FILIP1L: variants seen among roughly 807,000 people sequenced by gnomAD.
FILIP1L encodes the protein filamin A-interacting protein 1-like.
Under a neutral mutation model 96.6 loss-of-function variants are expected in FILIP1L, and 55 were observed. The observed-to-expected ratio is 0.57, with a 90% CI of 0.46 to 0.71. FILIP1L has a LOEUF of 0.71. Among genes scored for constraint, FILIP1L ranks in the 30% least tolerant of loss-of-function variants. The pLI is 0.00. For missense variants in FILIP1L, 1,304 were observed against 1,321.2 expected (o/e 0.99, Z 0.20); for synonymous variants, 467 against 473.9 (o/e 0.99, Z 0.19).
At chr3:100,100,496 T>A (rs1349708303) in intron 1 of FILIP1L, among the ~76,000 whole-genome samples, 1 of 152,148 alleles carries the variant, frequency 6.6e-6, no homozygotes, top group Non-Finnish European at 1.5e-5. Flanking sequence ...CAAGTCCACA[T>A]TTGAATCATT....
chr3:99,991,836 A>ATG (rs112596171), intron 1 of FILIP1L, among the ~76,000 whole-genome samples: 114,593 of 143,356 alleles, frequency 0.8, 46,089 homozygotes, highest in East Asian at 0.94. Context: ...ATATATATAT[A>ATG]TGTGTGTGTG....
intron 4 of FILIP1L, among the ~76,000 whole-genome samples, chr3:99,880,273 G>T (rs1048453726): frequency 6.6e-6 from 1 of 151,984 alleles, no homozygotes; most frequent in Non-Finnish European, 1.5e-5. Flanking sequence ...CACCTGTCTG[G>T]CTCTGTACAT....
chr3:99,964,151 T>C (rs1463324043), intron 1 of FILIP1L, among the ~76,000 whole-genome samples: 1 of 151,980 alleles, frequency 6.6e-6, no homozygotes, highest in Non-Finnish European at 1.5e-5. Flanking sequence ...CAGTAGGAAG[T>C]ACATTGAGTT....
chr3:99,901,895 TAG>T (rs1706450051), intron 4 of FILIP1L, among the ~76,000 whole-genome samples: 1 of 152,110 alleles, frequency 6.6e-6, no homozygotes, highest in South Asian at 2.1e-4. Flanking sequence ...TTGTCCCTAG[TAG>T]AGCTCAGCAT....
chr3:100,008,241 T>C (rs1710043381), intron 1 of FILIP1L, among the ~76,000 whole-genome samples: 1 of 152,136 alleles, frequency 6.6e-6, no homozygotes, highest in Non-Finnish European at 1.5e-5. Flanking sequence ...AGGTAACTAC[T>C]CCACCCCTGC....
At chr3:99,868,387 C>G (rs1193356650) in intron 4 of FILIP1L, among the ~76,000 whole-genome samples, 1 of 152,164 alleles carries the variant, frequency 6.6e-6, no homozygotes, top group Admixed American at 6.5e-5. Flanking sequence ...ATGACTGCAT[C>G]CTACAAAGGA....
At chr3:100,108,561 A>G (rs2107471509) in intron 1 of FILIP1L, among the ~76,000 whole-genome samples, 1 of 152,166 alleles carries the variant, frequency 6.6e-6, no homozygotes, top group East Asian at 1.9e-4. Flanking sequence ...TCTGGTTTTG[A>G]CTCTGATTTT....
chr3:99,960,740 T>G (rs4244713), intron 1 of FILIP1L, among the ~76,000 whole-genome samples: 111,760 of 152,068 alleles, frequency 0.73, 41,782 homozygotes, highest in African/African-American at 0.88. Flanking sequence ...CTTTCCTTTG[T>G]ATGAAGTAGT....
chr3:99,920,701 T>A (rs1707098111), intron 4 of FILIP1L, among the ~76,000 whole-genome samples: 1 of 152,208 alleles, frequency 6.6e-6, no homozygotes, highest in Non-Finnish European at 1.5e-5. Flanking sequence ...GCTTACTGAT[T>A]ACGACAGCGA....
chr3:100,085,642 C>T (rs62285470), intron 1 of FILIP1L, among the ~76,000 whole-genome samples: 4,033 of 152,282 alleles, frequency 0.026, 73 homozygotes, highest in Non-Finnish European at 0.043. Context: ...CTTTCCGTCT[C>T]TCATGAGGGA....
chr3:99,924,695 T>C (rs1707235608), intron 3 of FILIP1L, among the ~76,000 whole-genome samples: 2 of 152,194 alleles, frequency 1.3e-5, no homozygotes, highest in South Asian at 2.1e-4. Context: ...ATTTTTTTTG[T>C]ACTTTTAGTA....
intron 3 of FILIP1L, among the ~76,000 whole-genome samples, chr3:99,924,774 G>A (rs879776726): frequency 2.0e-5 from 3 of 151,952 alleles, no homozygotes; most frequent in Admixed American, 6.6e-5. Flanking sequence ...TGCCTGCTTC[G>A]GCCTCCCAAA....
intron 1 of FILIP1L, among the ~76,000 whole-genome samples, chr3:100,110,197 G>A (rs896122080): frequency 6.6e-6 from 1 of 152,026 alleles, no homozygotes; most frequent in Non-Finnish European, 1.5e-5. Context: ...GAAAACATAA[G>A]GTTAACCCCA....
chr3:100,024,683 C>G (rs554741918), intron 1 of FILIP1L, among the ~76,000 whole-genome samples: 48 of 152,254 alleles, frequency 3.2e-4, no homozygotes, highest in African/African-American at 1.2e-3. Context: ...AGTGAGTGAC[C>G]TTCTAGCCTC....
chr3:99,956,989 C>G (rs1432193995), intron 1 of FILIP1L, among the ~76,000 whole-genome samples: 7 of 152,196 alleles, frequency 4.6e-5, no homozygotes, highest in African/African-American at 1.7e-4. Context: ...GTCCAGGGCT[C>G]TAGCTGGATT....
At chr3:99,868,054 A>T (rs1944607677) in intron 4 of FILIP1L, among the ~76,000 whole-genome samples, 1 of 152,280 alleles carries the variant, frequency 6.6e-6, no homozygotes, top group South Asian at 2.1e-4. Context: ...GGTTGTAAAG[A>T]TTTGTCTTAC....
intron 4 of FILIP1L, chr3:99,875,983 G>A (rs1705492498): frequency 3.4e-6 from 3 of 882,366 alleles, no homozygotes; most frequent in African/African-American, 1.8e-5. Flanking sequence ...GTGATGCTGA[G>A]ACAGCTTTAA....
intron 1 of FILIP1L, among the ~76,000 whole-genome samples, chr3:99,995,674 C>T (rs1253810965): frequency 6.6e-6 from 1 of 152,238 alleles, no homozygotes; most frequent in Non-Finnish European, 1.5e-5. Flanking sequence ...CATCTTCTGA[C>T]ATCTAGGCAG....
At chr3:100,002,085 C>T (rs1006943790) in intron 1 of FILIP1L, among the ~76,000 whole-genome samples, 2 of 152,148 alleles carry the variant, frequency 1.3e-5, no homozygotes, top group African/African-American at 2.4e-5. Flanking sequence ...AGCGCGGTGC[C>T]ACTGCAAGTG....
Sources: allele counts gnomAD v4.1 joint callset (sites outside exome capture counted in the v4.1 genomes callset), GRCh38; gene constraint gnomAD v4.1.1; transcripts MANE v1.5; gene names NCBI Gene and HGNC (gene_info 2026-07-23, HGNC 2026-07-21).